Variants in CHRM3 observed in about 807,000 individuals in gnomAD.
CHRM3 encodes the protein muscarinic acetylcholine receptor M3.
Under a neutral mutation model 41.8 loss-of-function variants are expected in CHRM3, and 11 were observed. That is an observed-to-expected ratio of 0.26 (90% confidence interval 0.17 to 0.44). CHRM3 has a LOEUF of 0.44. CHRM3 is among the 20% of genes least tolerant of loss of function. The pLI, the probability that CHRM3 is intolerant of heterozygous loss-of-function variation, is 1.00. For synonymous variants in CHRM3, 297 were observed against 301.4 expected (o/e 0.99, Z 0.15); for missense variants, 571 against 745.4 (o/e 0.77, Z 2.72).
At chr1:239,702,268 T>A (rs1465176801) in intron 5 of CHRM3, among the ~76,000 whole-genome samples, 1 of 152,154 alleles carries the variant, frequency 6.6e-6, no homozygotes, top group East Asian at 1.9e-4. Context: ...TATACCCAGT[T>A]ATTCTAACAG....
At chr1:239,609,204 T>C (rs563827833) in intron 3 of CHRM3, among the ~76,000 whole-genome samples, 9 of 152,336 alleles carry the variant, frequency 5.9e-5, no homozygotes, top group Admixed American at 2.0e-4. Flanking sequence ...TCAGTATAGA[T>C]TAGTTGGCAT....
intron 6 of CHRM3, among the ~76,000 whole-genome samples, chr1:239,904,036 G>A (rs1679780356): frequency 6.6e-6 from 1 of 152,186 alleles, no homozygotes; most frequent in Non-Finnish European, 1.5e-5. Flanking sequence ...TATGAATATA[G>A]CATCGGGATG....
At chr1:239,396,752 T>C (rs1659518834) in intron 1 of CHRM3, among the ~76,000 whole-genome samples, 1 of 152,306 alleles carries the variant, frequency 6.6e-6, no homozygotes, top group East Asian at 1.9e-4. Context: ...ACAACTATGG[T>C]TAACAGTTTG....
intron 1 of CHRM3, among the ~76,000 whole-genome samples, chr1:239,450,633 G>A (rs533556371): frequency 6.6e-6 from 1 of 152,186 alleles, no homozygotes; most frequent in South Asian, 2.1e-4. Flanking sequence ...TATTTGTGCA[G>A]GACAAATTCC....
intron 2 of CHRM3, among the ~76,000 whole-genome samples, chr1:239,541,007 C>G (rs1334833471): frequency 1.3e-5 from 2 of 152,216 alleles, no homozygotes; most frequent in South Asian, 4.2e-4. Context: ...GATTTAAGAA[C>G]TCGGTGTACA....
At chr1:239,609,289 T>A (rs563066103) in intron 3 of CHRM3, among the ~76,000 whole-genome samples, 1 of 152,318 alleles carries the variant, frequency 6.6e-6, no homozygotes, top group African/African-American at 2.4e-5. Flanking sequence ...CTCAGCAAAA[T>A]TATTTTGAGA....
At chr1:239,765,412 A>G (rs1454712547) in intron 5 of CHRM3, among the ~76,000 whole-genome samples, 1 of 152,164 alleles carries the variant, frequency 6.6e-6, no homozygotes, top group Non-Finnish European at 1.5e-5. Context: ...TTAATGCTTT[A>G]TTATTTTCTA....
At chr1:239,848,694 C>A (rs12063944) in intron 6 of CHRM3, among the ~76,000 whole-genome samples, 4,747 of 152,152 alleles carry the variant, frequency 0.031, 252 homozygotes, top group African/African-American at 0.11. Flanking sequence ...TGAAAAGAGA[C>A]TGTTCATTTA....
At chr1:239,741,682 CT>C (rs1009393361) in intron 5 of CHRM3, among the ~76,000 whole-genome samples, 5 of 121,698 alleles carry the variant, frequency 4.1e-5, no homozygotes, top group African/African-American at 8.4e-5. Context: ...CAGCTAAAGC[CT>C]TTTGTTTTTT....
chr1:239,464,645 C>T (rs894351653), intron 1 of CHRM3, among the ~76,000 whole-genome samples: 1 of 152,080 alleles, frequency 6.6e-6, no homozygotes, highest in East Asian at 1.9e-4. Context: ...TGTCCCCTAC[C>T]CTTGCATATG....
At chr1:239,612,127 C>T (rs1211879123) in intron 3 of CHRM3, among the ~76,000 whole-genome samples, 5 of 152,072 alleles carry the variant, frequency 3.3e-5, no homozygotes, top group Non-Finnish European at 5.9e-5. Flanking sequence ...ATGGAAGCAC[C>T]ACGCCTTTTT....
intron 5 of CHRM3, among the ~76,000 whole-genome samples, chr1:239,679,027 G>GGATAGATA (rs61514483): frequency 0.14 from 21,208 of 148,616 alleles, 1,596 homozygotes; most frequent in Non-Finnish European, 0.17. Context: ...GTAGATAGAT[G>GGATAGATA]GATAGATAGA....
chr1:239,750,558 A>G (rs185002287), intron 5 of CHRM3, among the ~76,000 whole-genome samples: 7 of 152,294 alleles, frequency 4.6e-5, no homozygotes, highest in African/African-American at 1.4e-4. Flanking sequence ...AGGTTTCTCC[A>G]CTTAGATTAT....
rs151232688 is a variant in CHRM3, at chr1:239,818,550, G to A, written c.-146-8702G>A. On this transcript the variant is annotated intron_variant, in intron 5 of 6. Coordinates refer to ENST00000676153, the MANE Select transcript of CHRM3 (RefSeq NM_001375978.1). ...GTGCAGTCCATGGACTAAGAGCACC[G>A]TAGCCCTGCTTCTCACACAGGGCCA... 6.6e-5 allele frequency among the ~76,000 whole-genome samples: 10 copies of A among 152,236 alleles called. No homozygotes were observed. The East Asian group carries it at 1.2e-3, about 18-fold the overall frequency.
chr1:239,892,767 G>A (rs1027299937), intron 6 of CHRM3, among the ~76,000 whole-genome samples: 5 of 152,116 alleles, frequency 3.3e-5, no homozygotes, highest in African/African-American at 1.2e-4. Context: ...CAAACACAGT[G>A]TCTCATGCAC....
intron 1 of CHRM3, chr1:239,408,176 G>A (rs986587125): frequency 6.6e-6 from 1 of 152,006 alleles, no homozygotes; most frequent in African/African-American, 2.4e-5. Context: ...GGCTTTCCCC[G>A]ACTTCATTCT....
chr1:239,613,104 T>G (rs1462468861), intron 3 of CHRM3, among the ~76,000 whole-genome samples: 1 of 152,190 alleles, frequency 6.6e-6, no homozygotes, highest in Non-Finnish European at 1.5e-5. Context: ...GCAGATGTGA[T>G]TTGGGATGCC....
At chr1:239,629,239 T>C (rs1669475506) in intron 3 of CHRM3, 1 of 141,046 alleles carries the variant, frequency 7.1e-6, no homozygotes, top group Non-Finnish European at 1.5e-5. Context: ...AAAAGCGCAA[T>C]ATTCGGGTGG....
intron 1 of CHRM3, among the ~76,000 whole-genome samples, chr1:239,444,503 GC>G (rs1311182018): frequency 2.0e-5 from 3 of 152,084 alleles, no homozygotes; most frequent in Non-Finnish European, 4.4e-5. Context: ...ACCATTTGAG[GC>G]CCTGCCTGGT....
Sources: gnomAD v4.1 joint callset for allele counts (sites outside exome capture counted in the v4.1 genomes callset) on GRCh38, gnomAD v4.1.1 for gene constraint, MANE v1.5 for transcripts, NCBI Gene and HGNC (gene_info 2026-07-23, HGNC 2026-07-21) for gene names.